The following HEY1 variants were observed in gnomAD, a reference collection of about 807,000 sequenced individuals.
HEY1 encodes hairy/enhancer-of-split related with YRPW motif protein 1.
A neutral mutation model predicts 28.7 loss-of-function variants in HEY1; 9 were observed. The ratio of observed to expected loss-of-function variants is 0.31; its 90% CI spans 0.19 to 0.55. HEY1 has a LOEUF of 0.55. Among genes scored for constraint, HEY1 ranks in the 20% least tolerant of loss-of-function variants. The probability of loss-of-function intolerance (pLI) is 0.93; values close to 1 mark genes in which losing one functional copy is unlikely to be tolerated. For missense variants in HEY1, 385 were observed against 399.4 expected (o/e 0.96, Z 0.31); for synonymous variants, 213 against 175.6 (o/e 1.21, Z -1.68).
chr8:79,767,184 T>C (rs1020880390), intron 2 of HEY1, 35 bp downstream of exon 2: 1 of 1,591,240 alleles, frequency 6.3e-7, no homozygotes, highest in Non-Finnish European at 8.6e-7. Flanking sequence ...CGTTAATCAA[T>C]AACAAAAATA....
In HEY1 at chr8:79,765,445, C is replaced by A. The variant is rs773626241; in HGVS notation, c.658G>T (p.Gly220Cys). The stretch of plus-strand genomic sequence containing the variant: ...GCAGGCGCCTCCGGATGTGCCGAGC[C>A]CAGCCTGCCCTGGTGGTGCGGTTCC... ...PTEPHHQGRL[G>C]SAHPEAPALR... Residue 220 changes from glycine (G) to cysteine (C), a missense_variant, in exon 5 of 5, where the codon GGC (glycine) becomes TGC (cysteine). This residue lies in a region of HEY1 where 223 missense variants were observed against 215.9 expected (regional missense o/e 1.03). Coordinates refer to ENST00000354724, the MANE Select transcript of HEY1 (RefSeq NM_012258.4). 1 of 1,612,788 alleles carries A rather than the reference C, an allele frequency of 6.2e-7. No homozygotes were observed. The highest frequency in any genetic ancestry group is 8.5e-7 in the Non-Finnish European group (1 of 1,179,428).
At position 79,766,728 on chromosome 8, in the gene HEY1, G is replaced by A; in HGVS notation, c.254C>T (p.Ser85Phe). Reference sequence around the variant, plus strand: ...GATCTCGGCTTTTTCTAGCTTAGCAGATCCCTAAAGATGAGAATGGCAAAA... The same window carrying A: ...GATCTCGGCTTTTTCTAGCTTAGCAAATCCCTAAAGATGAGAATGGCAAAA... ...LVPSAFEKQGSAKLEKAEILQ... is the reference protein window; with the variant it reads ...LVPSAFEKQGFAKLEKAEILQ... The change falls in exon 4 of 5, where the codon TCT becomes TTT. Residue 85 changes from serine (S) to phenylalanine (F), a missense_variant. Coordinates refer to ENST00000354724, the MANE Select transcript of HEY1 (RefSeq NM_012258.4). The A allele has an allele frequency of 6.2e-7, 1 of 1,614,162 alleles. No individual in the cohort carries two copies. The highest frequency in any genetic ancestry group is 8.5e-7 in the Non-Finnish European group (1 of 1,179,988).
In HEY1 at chr8:79,766,718, T is replaced by C. The variant is rs368443605; in HGVS notation, c.264A>G (p.Leu88=). Residue 88 remains leucine, a synonymous_variant, in exon 4 of 5, where the codon CTA becomes CTG. Transcript: ENST00000354724. ...SAFEKQGSAK[L]EKAEILQMTV... ...TCATCTGCAGGATCTCGGCTTTTTC[T>C]AGCTTAGCAGATCCCTAAAGATGAG... 18 of 1,614,082 alleles carry C rather than the reference T, an allele frequency of 1.1e-5. No homozygotes were observed. In the African/African-American group the frequency reaches 1.7e-4, roughly 16 times the overall value.
intron 3 of HEY1, 136 bp from the exon 4 acceptor site, chr8:79,766,868 A>C (rs1417106827): frequency 1.7e-6 from 2 of 1,207,994 alleles, no homozygotes; most frequent in Non-Finnish European, 2.4e-6. Context: ...AGTTGTCTTC[A>C]CAAAATACGC....
chr8:79,767,002 CCA>C lies in HEY1; in HGVS notation c.249+5_249+6del. ...ATGCTGAGAGCTTTACCTACTTGCT[CCA>C]TTACCTGCTTCTCAAAAGCACTGGG... On this transcript the variant is annotated splice_donor_5th_base_variant and intron_variant, in intron 3 of 4. Transcript: ENST00000354724. 1 of 1,610,954 alleles carries C rather than the reference CCA, an allele frequency of 6.2e-7. No homozygotes were observed. Among genetic ancestry groups the C allele is most frequent in the Non-Finnish European group, 8.5e-7 (1 of 1,177,240 alleles).
chr8:79,765,203 C>G lies in HEY1; in HGVS notation c.900G>C (p.Glu300Asp). The change falls in exon 5 of 5, where the codon GAG (glutamate) becomes GAC (aspartate). Residue 300 changes from glutamate (E) to aspartate (D), a missense_variant. By Grantham distance (45) the Glu-to-Asp change is conservative (BLOSUM62 2). Transcript: ENST00000354724. Reference sequence around the variant, plus strand: ...CATCAGTTCTTTAAAAAGCTCCGATCTCCGTCCCCCAAGGTCTATAGGGCT... The same window carrying G: ...CATCAGTTCTTTAAAAAGCTCCGATGTCCGTCCCCCAAGGTCTATAGGGCT... ...LGKPYRPWGTEIGAF is the reference protein window; with the variant it reads ...LGKPYRPWGTDIGAF The G allele has an allele frequency of 6.5e-7, 1 of 1,545,354 alleles. No homozygotes were observed. Among genetic ancestry groups the G allele is most frequent in the Non-Finnish European group, 8.7e-7 (1 of 1,144,078 alleles).
Position 79,765,464 on chromosome 8 carries a change from C to A in HEY1, c.639G>T (p.Pro213=). ...NAGTTASPTE[P]HHQGRLGSAH... The stretch of plus-strand genomic sequence containing the variant: ...CCGAGCCCAGCCTGCCCTGGTGGTG[C>A]GGTTCCGTGGGTGAGGCCGTGGTGC... The change falls in exon 5 of 5, where the codon CCG becomes CCT. Residue 213 remains proline, a synonymous_variant. Transcript: ENST00000354724. 3.1e-6 allele frequency: 5 copies of A among 1,613,228 alleles called. No homozygotes were observed. Among genetic ancestry groups the A allele is most frequent in the Non-Finnish European group, 3.4e-6 (4 of 1,179,628 alleles).
At position 79,767,234 on chromosome 8, in the gene HEY1, T is replaced by C. The variant is rs769020386; in HGVS notation, c.150A>G (p.Arg50=). Residue 50 remains arginine, a synonymous_variant, in exon 2 of 5, where the codon AGA becomes AGG. Transcript: ENST00000354724. Reference sequence around the variant, plus strand: ...AGAGACTCACTCCTCTCCGTCTTTTTCTGGCCAAAATCTGGGAAGATGTAG... The same window carrying C: ...AGAGACTCACTCCTCTCCGTCTTTTCCTGGCCAAAATCTGGGAAGATGTAG... ...SPTTSSQILA[R]KRRRGIIEKR... 7 of 1,613,732 alleles carry C rather than the reference T, an allele frequency of 4.3e-6. No homozygotes were observed. In the African/African-American group the frequency reaches 8.0e-5, roughly 18 times the overall value.
At chr8:79,766,932 G>A (rs1807856538) in intron 3 of HEY1, 77 bp downstream of exon 3, 1 of 1,341,590 alleles carries the variant, frequency 7.5e-7, no homozygotes, top group African/African-American at 1.4e-5. Flanking sequence ...ATTTTCCAAG[G>A]CGGATGAGAT....
In HEY1 at chr8:79,766,910, A is replaced by G. The variant is rs557170149; in HGVS notation, c.249+99T>C. On this transcript the variant is annotated intron_variant, in intron 3 of 4. Coordinates refer to ENST00000354724, the MANE Select transcript of HEY1 (RefSeq NM_012258.4). ...CTGTGTACGAATTCATCTAGGCACA[A>G]GCAACACAGCTATTTTCCAAGGCGG... The G allele has an allele frequency of 4.0e-6, 5 of 1,254,096 alleles. No homozygotes were observed. The South Asian group carries it at 6.1e-5, about 15-fold the overall frequency. 77.7% of individuals were successfully genotyped at this position (1,254,096 alleles called of 1,614,324 possible).
chr8:79,767,743 C>A lies in HEY1; in HGVS notation c.-80G>T, dbSNP rs1807883985. On this transcript the variant is annotated 5_prime_UTR_variant, in exon 1 of 5. Transcript: ENST00000354724. ...AACTACAGCGGCGCCTCTCCGCTCT[C>A]GGCTGCTTGCGTTCCGCACACACTG... 2 of 993,662 alleles carry A rather than the reference C, an allele frequency of 2.0e-6. No homozygotes were observed. Among genetic ancestry groups the A allele is most frequent in the South Asian group, 1.4e-5 (1 of 72,318 alleles). 61.6% of individuals were successfully genotyped at this position (993,662 alleles called of 1,614,324 possible).
chr8:79,765,868 C>T lies in HEY1; in HGVS notation c.332-97G>A, dbSNP rs999414596. 2.9e-6 allele frequency: 3 copies of T among 1,046,216 alleles called. No homozygotes were observed. The African/African-American group carries it at 4.8e-5, about 17-fold the overall frequency. 64.8% of individuals were successfully genotyped at this position (1,046,216 alleles called of 1,614,324 possible). On this transcript the variant is annotated intron_variant, in intron 4 of 4. Coordinates refer to ENST00000354724, the MANE Select transcript of HEY1 (RefSeq NM_012258.4). ...CCCTTCCTGGCAGATACCTGCATCCCTTAAAACACAACAGTCAGGGGTTCT... is the reference window on the plus strand; with the variant it reads ...CCCTTCCTGGCAGATACCTGCATCCTTTAAAACACAACAGTCAGGGGTTCT...
At chr8:79,765,821 ATTTCT>A (rs1471449859) in intron 4 of HEY1, 50 bp from the exon 5 acceptor site, 1 of 1,500,966 alleles carries the variant, frequency 6.7e-7, no homozygotes, top group Non-Finnish European at 9.0e-7. Context: ...CGTTTCCCTC[ATTTCT>A]TAAGTCCCAG....
In HEY1 at chr8:79,767,503, C is replaced by A; in HGVS notation, c.89+72G>T. 1.4e-6 allele frequency: 2 copies of A among 1,446,322 alleles called. 1 individual carries two copies. The highest frequency in any genetic ancestry group is 2.4e-5 in the South Asian group (2 of 84,614). 89.6% of individuals were successfully genotyped at this position (1,446,322 alleles called of 1,614,324 possible). On this transcript the variant is annotated intron_variant, in intron 1 of 4. Coordinates refer to ENST00000354724, the MANE Select transcript of HEY1 (RefSeq NM_012258.4). The stretch of plus-strand genomic sequence containing the variant: ...GCACCGGCGCGCCAAGGGTCCTAGC[C>A]CGCTGTCACCGCGGCAGGCCTGCGC...
At position 79,764,235 on chromosome 8, in the gene HEY1, A is replaced by C. The variant is rs969289775; in HGVS notation, c.*953T>G. The C allele has an allele frequency of 5.9e-5, 13 of 222,000 alleles. No homozygotes were observed. Among genetic ancestry groups the C allele is most frequent in the Non-Finnish European group, 9.9e-5 (11 of 111,152 alleles). 13.8% of individuals were successfully genotyped at this position (222,000 alleles called of 1,614,324 possible). ...GCACCAAAAGGAAAACTCACATAAA[A>C]ATTTCCAGTTAAAAGAAAATATGGC... is the stretch of plus-strand genomic sequence containing the variant. On this transcript the variant is annotated 3_prime_UTR_variant, in exon 5 of 5. Coordinates refer to ENST00000354724, the MANE Select transcript of HEY1 (RefSeq NM_012258.4).
chr8:79,767,164 T>C, intron 2 of HEY1, 55 bp downstream of exon 2: 1 of 1,578,474 alleles, frequency 6.3e-7, no homozygotes, highest in Middle Eastern at 1.7e-4. Flanking sequence ...AAAAAAAAGG[T>C]GGTTATTTCC....
At chr8:79,766,160 C>A in intron 4 of HEY1, 1 of 1,446,888 alleles carries the variant, frequency 6.9e-7, no homozygotes, top group Non-Finnish European at 9.3e-7. Context: ...GGCACTTGGA[C>A]CTCAGTAAAG....
chr8:79,766,498 G>A, intron 4 of HEY1, 153 bp downstream of exon 4: 1 of 1,508,748 alleles, frequency 6.6e-7, no homozygotes, highest in Non-Finnish European at 8.8e-7. Context: ...ATGTGCATTC[G>A]AAAATGTACT....
chr8:79,765,524 C>G lies in HEY1; in HGVS notation c.579G>C (p.Pro193=), dbSNP rs936415915. ...VFGHHPHIAH[P]LLLPQNGHGN... is the part of the protein sequence containing the mutation. ...CGTGGCCGTTCTGGGGCAGCAACAG[C>G]GGGTGCGCGATGTGCGGGTGATGTC... The change falls in exon 5 of 5, where the codon CCG becomes CCC. Residue 193 remains proline, a synonymous_variant. Coordinates refer to ENST00000354724, the MANE Select transcript of HEY1 (RefSeq NM_012258.4). 1 of 1,613,636 alleles carries G rather than the reference C, an allele frequency of 6.2e-7. No individual in the cohort carries two copies. Among genetic ancestry groups the G allele is most frequent in the Non-Finnish European group, 8.5e-7 (1 of 1,179,954 alleles).
Sources: gnomAD v4.1 joint callset for allele counts on GRCh38, gnomAD v4.1.1 for gene constraint, gnomAD v4.1.1 regional missense constraint, MANE v1.5 for transcripts, NCBI Gene and HGNC (gene_info 2026-07-23, HGNC 2026-07-21) for gene names.